DNAH2: variants seen among roughly 807,000 people sequenced by gnomAD.
DNAH2 encodes axonemal beta dynein heavy chain 2.
Under a neutral mutation model 523.5 loss-of-function variants are expected in DNAH2, and 323 were observed. The observed-to-expected ratio is 0.62, with a 90% confidence interval of 0.56 to 0.68. The LOEUF is 0.68. Ranked by LOEUF, DNAH2 falls within the 30% of genes least tolerant of loss-of-function variation. The pLI, the probability that DNAH2 is intolerant of heterozygous loss-of-function variation, is 0.00. For synonymous variants in DNAH2, 2,093 were observed against 2,177.4 expected, an observed-to-expected ratio of 0.96 and a Z score of 1.08; for missense variants, 4,907 against 5,701.5, an observed-to-expected ratio of 0.86 and a Z score of 4.49.
intron 27 of DNAH2, 79 bp downstream of exon 27, chr17:7,771,012 T>C: frequency 6.7e-7 from 1 of 1,500,648 alleles, no homozygotes; most frequent in South Asian, 1.3e-5. Flanking sequence ...TTTGCCCTGT[T>C]ATCAGCCTCA....
intron 63 of DNAH2, among the ~76,000 whole-genome samples, chr17:7,810,162 C>A (rs982734659): frequency 2.0e-5 from 3 of 150,852 alleles, no homozygotes; most frequent in Non-Finnish European, 4.4e-5. Context: ...TTCCTGGGCT[C>A]TGGTGATCCT....
chr17:7,774,994 C>A lies in DNAH2; in HGVS notation c.4719+18C>A, dbSNP rs747811822. 1 of 1,611,130 alleles carries A rather than the reference C, an allele frequency of 6.2e-7. No homozygotes were observed. ...TCCAGAAGGTCAGTAGAAGTGGCCA[C>A]AGTGAGATGCTGGGTGGCGAAGGGA... On this transcript the variant is annotated intron_variant, in intron 29 of 85. Transcript: ENST00000572933.
rs768945577 is a variant in DNAH2 at position 7,768,032 on chromosome 17, C to T, written c.3808C>T (p.Arg1270Cys). Residue 1270 changes from arginine (R) to cysteine (C), a missense_variant, in exon 23 of 86, where the codon CGC becomes TGC. Arg to Cys is a radical substitution (Grantham distance 180, BLOSUM62 -3). Coordinates refer to ENST00000572933, the MANE Select transcript of DNAH2 (RefSeq NM_020877.5). ...GACCACGGCCCACGGGCTGTTTCGT[C>T]GCCTCACAAAATTAGCCAAAGAGTA... ...METTAHGLFR[R>C]LTKLAKEYKD... is the part of the protein sequence containing the mutation. The T allele has an allele frequency of 8.7e-6, 14 of 1,614,068 alleles. No homozygotes were observed. The highest frequency in any genetic ancestry group is 7.7e-5 in the South Asian group (7 of 91,082).
intron 74 of DNAH2, 48 bp downstream of exon 74, chr17:7,823,676 C>T (rs2077931426): frequency 6.3e-7 from 1 of 1,599,140 alleles, no homozygotes; most frequent in Non-Finnish European, 8.5e-7. Flanking sequence ...TCCCTCCATT[C>T]AGCCACATGC....
At chr17:7,800,673 T>C (rs553593815) in intron 56 of DNAH2, among the ~76,000 whole-genome samples, 6 of 150,370 alleles carry the variant, frequency 4.0e-5, no homozygotes, top group African/African-American at 1.5e-4. Context: ...GAGACCATCC[T>C]GGCTAACACG....
rs1403613475 is a variant in DNAH2, at chr17:7,831,425, C to T, written c.12495C>T (p.Ile4165=). Residue 4165 remains isoleucine, a synonymous_variant, in exon 81 of 86, where the codon ATC becomes ATT. Coordinates refer to ENST00000572933, the MANE Select transcript of DNAH2 (RefSeq NM_020877.5). This position sits in a 1 kb window ranked among gnomAD's most constrained non-coding sequence, Gnocchi z 4.2. ...LELAADVKQK[I]PEMIDYEGTQ... is the part of the protein sequence containing the mutation. ...TGGCCGCTGATGTGAAGCAGAAGAT[C>T]CCTGAAATGATCGACTATGAGGGGA... 6.2e-7 allele frequency: 1 copy of T among 1,614,116 alleles called. No individual in the cohort carries two copies. Among genetic ancestry groups the T allele is most frequent in the South Asian group, 1.1e-5 (1 of 91,086 alleles).
At chr17:7,757,354 ATC>A in intron 13 of DNAH2, 117 bp downstream of exon 13, 1 of 1,323,316 alleles carries the variant, frequency 7.6e-7, no homozygotes, top group Non-Finnish European at 1.0e-6. Context: ...CATCTTTTCC[ATC>A]TCAAAAAAAA....
intron 65 of DNAH2, 73 bp downstream of exon 65, chr17:7,817,488 G>A: frequency 6.2e-7 from 1 of 1,613,446 alleles, no homozygotes; most frequent in Non-Finnish European, 8.5e-7. Flanking sequence ...GGAATATTAA[G>A]AGATACCGTG....
At chr17:7,810,713 TC>T (rs2077494079) in intron 63 of DNAH2, among the ~76,000 whole-genome samples, 1 of 94,726 alleles carries the variant, frequency 1.1e-5, no homozygotes, top group South Asian at 4.5e-4. Context: ...TAATACAACT[TC>T]ACAACTAGGC....
At position 7,741,323 on chromosome 17, in the gene DNAH2, C is replaced by CCTTCCTTCCTTCCTTCCT. The variant is rs1555540882; in HGVS notation, c.1689+331_1689+332insCTTCCTTCCTTCCTTCCT. 1.0e-3 allele frequency among the ~76,000 whole-genome samples: 60 copies of CCTTCCTTCCTTCCTTCCT among 59,360 alleles called. 1 individual carries two copies. Among genetic ancestry groups the CCTTCCTTCCTTCCTTCCT allele is most frequent in the South Asian group, 1.8e-3 (2 of 1,128 alleles). 38.9% of individuals were successfully genotyped at this position (59,360 alleles called of 152,430 possible). A position where few individuals can be genotyped will look rare whatever the true frequency, so the allele number is the denominator to read the frequency against. ...CTTCCTTCCCTCCCTCCCTCCCTCCCTCCTTCCTTCCTTCCTTCCTTCCTT... is the reference window on the plus strand; with the variant it reads ...CTTCCTTCCCTCCCTCCCTCCCTCCCCTTCCTTCCTTCCTTCCTTCCTTCCTTCCTTCCTTCCTTCCTT... On this transcript the variant is annotated intron_variant, in intron 11 of 85. Transcript: ENST00000572933.
chr17:7,766,242 C>T, intron 21 of DNAH2, 76 bp from the exon 22 acceptor site: 1 of 1,523,294 alleles, frequency 6.6e-7, no homozygotes, highest in Non-Finnish European at 9.0e-7. Flanking sequence ...GATTTGCCCA[C>T]AAAGAGATAG....
rs1002025944 is a variant in DNAH2, at chr17:7,824,538, A to G, written c.11664A>G (p.Gly3888=). 9 of 1,556,422 alleles carry G rather than the reference A, an allele frequency of 5.8e-6. No individual in the cohort carries two copies. Among genetic ancestry groups the G allele is most frequent in the Middle Eastern group, 3.5e-4 (2 of 5,772 alleles). The part of the protein sequence containing the change: ...ARLLREGVTQ[G]HWVFLANCHL... ...ACTGACCCTGGCATCTCCTTGCAGG[A>G]CACTGGGTGTTCCTGGCAAACTGCC... Residue 3888 remains glycine, a splice_region_variant and synonymous_variant, in exon 77 of 86, where the codon GGA becomes GGG. Coordinates refer to ENST00000572933, the MANE Select transcript of DNAH2 (RefSeq NM_020877.5).
At position 7,780,763 on chromosome 17, in the gene DNAH2, C is replaced by T. The variant is rs75886914; in HGVS notation, c.5984C>T (p.Pro1995Leu). The change falls in exon 38 of 86, where the codon CCG becomes CTG. Residue 1995 changes from proline to leucine, a missense_variant. Physicochemically the swap from Pro to Leu is moderately conservative, Grantham distance 98 (BLOSUM62 -3). Transcript: ENST00000572933. This position sits in a 1 kb window ranked among gnomAD's most constrained non-coding sequence, Gnocchi z 4.4. ...RYAGKKRRLQ[P>L]DLTDEEVLLL... ...GCTGGCAAGAAGCGCCGCCTACAGC[C>T]GGATCTGACTGATGAAGAGGTAGAG... 2.2e-3 allele frequency: 3,580 copies of T among 1,614,230 alleles called. 71 individuals are homozygous for T. In the East Asian group the frequency reaches 0.048, roughly 22 times the overall value.
At chr17:7,726,536 C>T (rs1477408413) in intron 3 of DNAH2, among the ~76,000 whole-genome samples, 1 of 152,152 alleles carries the variant, frequency 6.6e-6, no homozygotes, top group Non-Finnish European at 1.5e-5. Flanking sequence ...CTCCCGACCT[C>T]AGGTGATCCA....
In DNAH2 at chr17:7,817,868, G is replaced by A. The variant is rs373090890; in HGVS notation, c.10236+12G>A. 37 of 1,611,298 alleles carry A rather than the reference G, an allele frequency of 2.3e-5. No individual in the cohort carries two copies. Among genetic ancestry groups the A allele is most frequent in the Middle Eastern group, 3.3e-4 (2 of 6,082 alleles). On this transcript the variant is annotated intron_variant, in intron 67 of 85. Coordinates refer to ENST00000572933, the MANE Select transcript of DNAH2 (RefSeq NM_020877.5). ...TGGAAGGAGGCCAGGTGTGAGGCTG[G>A]GGGGTCAGGTTAGCCCCCCCCTTCC...
intron 7 of DNAH2, among the ~76,000 whole-genome samples, chr17:7,735,644 G>A (rs1886322951): frequency 6.6e-6 from 1 of 151,754 alleles, no homozygotes; most frequent in African/African-American, 2.4e-5. Flanking sequence ...TTGCTATGTT[G>A]CCCAGGCTGG....
chr17:7,758,615 C>G lies in DNAH2; in HGVS notation c.2172C>G (p.Ala724=), dbSNP rs777190654. 6.2e-7 allele frequency: 1 copy of G among 1,614,022 alleles called. No individual in the cohort carries two copies. The highest frequency in any genetic ancestry group is 8.5e-7 in the Non-Finnish European group (1 of 1,179,998). The change falls in exon 14 of 86, where the codon GCC becomes GCG. Residue 724 remains alanine, a synonymous_variant. Transcript: ENST00000572933. ...KLHWALKGAS[A]FFITECRIHA... The stretch of plus-strand genomic sequence containing the variant: ...ACTGGGCCTTGAAGGGGGCCAGTGC[C>G]TTCTTCATCACGGAGTGCCGTATAC...
Position 7,833,687 on chromosome 17 carries a change from A to G in DNAH2, c.*154A>G. On this transcript the variant is annotated 3_prime_UTR_variant, in exon 86 of 86. Transcript: ENST00000572933. ...CTGGAGATACCTAGTTGTGTTAGCCATAAAAGTGAAAGAGTTGTATTGGAG... is the reference window on the plus strand; with the variant it reads ...CTGGAGATACCTAGTTGTGTTAGCCGTAAAAGTGAAAGAGTTGTATTGGAG... 1.9e-6 allele frequency: 2 copies of G among 1,053,990 alleles called. No individual in the cohort carries two copies. 65.3% of individuals were successfully genotyped at this position (1,053,990 alleles called of 1,614,324 possible).
Position 7,770,268 on chromosome 17 carries a change from C to G in DNAH2, c.3958C>G (p.Arg1320Gly). Residue 1320 changes from arginine to glycine, a missense_variant, in exon 25 of 86, where the codon CGG (arginine) becomes GGG (glycine). Around this residue, in one of 3 missense-constraint regions of DNAH2, gnomAD observed 2,806 missense variants for 3,190.8 expected, o/e 0.88. Coordinates refer to ENST00000572933, the MANE Select transcript of DNAH2 (RefSeq NM_020877.5). ...ALRERHWDQV[R>G]DEIQREFDQE... ...TGGCTGCAGGCACTGGGACCAGGTC[C>G]GGGATGAGATCCAGCGGGAGTTTGA... is the stretch of plus-strand genomic sequence containing the variant. 2.5e-6 allele frequency: 4 copies of G among 1,609,378 alleles called. No individual in the cohort carries two copies. Among genetic ancestry groups the G allele is most frequent in the Non-Finnish European group, 3.4e-6 (4 of 1,177,566 alleles).
Sources: gnomAD v4.1 joint callset for allele counts (sites outside exome capture counted in the v4.1 genomes callset) on GRCh38, gnomAD v4.1.1 for gene constraint, gnomAD v4.1.1 regional missense constraint, Gnocchi (gnomAD v3.1) non-coding constraint, MANE v1.5 for transcripts, NCBI Gene and HGNC (gene_info 2026-07-23, HGNC 2026-07-21) for gene names.